The following NUP98 variants were observed in gnomAD, a reference collection of about 807,000 sequenced individuals.
The protein encoded by NUP98 is nuclear pore complex protein Nup98-Nup96.
In NUP98, 26 loss-of-function variants were observed where a neutral mutation model predicts 191.9. The observed-to-expected ratio is 0.14, with a 90% CI of 0.10 to 0.19. The LOEUF (loss-of-function observed/expected upper bound fraction) is 0.19. Among genes scored for constraint, NUP98 ranks in the 10% least tolerant of loss-of-function variants. NUP98 has a pLI of 1.00. For missense variants in NUP98, 1,941 were observed against 2,178.8 expected (o/e 0.89, Z 2.17); for synonymous variants, 808 against 778.4 (o/e 1.04, Z -0.63).
At chr11:3,686,943 T>C (rs982834580) in intron 28 of NUP98, among the ~76,000 whole-genome samples, 2 of 152,106 alleles carry the variant, frequency 1.3e-5, no homozygotes, top group Non-Finnish European at 2.9e-5. Context: ...GGTGAGATCA[T>C]ACCACTGCAC....
chr11:3,787,380 G>A (rs1167807313), intron 1 of NUP98, among the ~76,000 whole-genome samples: 1 of 151,916 alleles, frequency 6.6e-6, no homozygotes, highest in African/African-American at 2.4e-5. Flanking sequence ...TCAGGAGTTC[G>A]AGACCAGACT....
At chr11:3,746,353 C>T (rs1038750683) in intron 11 of NUP98, among the ~76,000 whole-genome samples, 13 of 140,196 alleles carry the variant, frequency 9.3e-5, no homozygotes, top group African/African-American at 3.3e-4. Flanking sequence ...TAGTAATTAA[C>T]GCAAGCTCCA....
At chr11:3,794,113 G>C (rs553086360) in intron 1 of NUP98, among the ~76,000 whole-genome samples, 1 of 152,154 alleles carries the variant, frequency 6.6e-6, no homozygotes, top group African/African-American at 2.4e-5. Context: ...AATGGGTAGA[G>C]GTAGGAATGT....
At chr11:3,754,299 G>A (rs1328879311) in intron 10 of NUP98, among the ~76,000 whole-genome samples, 1 of 152,160 alleles carries the variant, frequency 6.6e-6, no homozygotes, top group African/African-American at 2.4e-5. Context: ...GATGGCGCAT[G>A]CCTATAAACC....
intron 1 of NUP98, among the ~76,000 whole-genome samples, chr11:3,790,305 A>G (rs1017149924): frequency 6.6e-6 from 1 of 152,196 alleles, no homozygotes; most frequent in Non-Finnish European, 1.5e-5. Context: ...TAAAACAGAC[A>G]TAAGCAGAAG....
rs375037200 is a variant in NUP98, at chr11:3,695,492, T to C, written c.4124A>G (p.Gln1375Arg). 4.2e-5 allele frequency: 67 copies of C among 1,605,660 alleles called. No individual in the cohort carries two copies. Among genetic ancestry groups the C allele is most frequent in the Non-Finnish European group, 5.3e-5 (62 of 1,175,720 alleles). Residue 1375 changes from glutamine to arginine, a missense_variant, in exon 26 of 33, where the codon CAG (glutamine) becomes CGG (arginine). Gln to Arg is a conservative substitution (Grantham distance 43, BLOSUM62 1). Transcript: ENST00000324932. The part of the protein sequence containing the change: ...WHQLQADSFI[Q>R]DERLRIFALL... ...AGCAAAGATGCGCAGTCTCTCATCC[T>C]GGATGAAGGAGTCTGCTTGGAGCTG...
rs2079359327 is a variant in NUP98 at position 3,720,773 on chromosome 11, A to G, written c.2199T>C (p.Leu733=). 6.3e-7 allele frequency: 1 copy of G among 1,598,940 alleles called. No individual in the cohort carries two copies. The highest frequency in any genetic ancestry group is 8.6e-7 in the Non-Finnish European group (1 of 1,168,178). The change falls in exon 17 of 33, where the codon CTT becomes CTC. Residue 733 remains leucine, a synonymous_variant. Coordinates refer to ENST00000324932, the MANE Select transcript of NUP98 (RefSeq NM_016320.5). ...CTCCTTTTTCATTGGTAATTTTAGC[A>G]AGGTCATCCATAGATGGAATAGTAT... ...GYYTIPSMDD[L]AKITNEKGEC... is the part of the protein sequence containing the mutation.
Position 3,735,281 on chromosome 11 carries a change from G to C in NUP98, c.1452C>G (p.Leu484=). ...PNASAAQQAV[L]QQHINSLTYS... is the part of the protein sequence containing the mutation. ...ATGTTAGACTATTGATGTGCTGCTGGAGAACAGCCTGCTGGGCAGCAGAAG... is the reference window on the plus strand; with the variant it reads ...ATGTTAGACTATTGATGTGCTGCTGCAGAACAGCCTGCTGGGCAGCAGAAG... Residue 484 remains leucine (L), a synonymous_variant, in exon 13 of 33, where the codon CTC becomes CTG. Transcript: ENST00000324932. 1 of 1,582,358 alleles carries C rather than the reference G, an allele frequency of 6.3e-7. No individual in the cohort carries two copies. The highest frequency in any genetic ancestry group is 1.3e-5 in the African/African-American group (1 of 74,334).
Position 3,679,538 on chromosome 11 carries a change from T to G in NUP98, c.5073+16A>C. 1 of 1,614,078 alleles carries G rather than the reference T, an allele frequency of 6.2e-7. No homozygotes were observed. The highest frequency in any genetic ancestry group is 8.5e-7 in the Non-Finnish European group (1 of 1,179,964). On this transcript the variant is annotated intron_variant, in intron 31 of 32. Transcript: ENST00000324932. ...AGAAAAGGAAAATCAGGCAGCAGTT[T>G]CAGGATCTCAGGTACCTGCTGTATA... is the stretch of plus-strand genomic sequence containing the variant.
rs142463218 is a variant in NUP98, at chr11:3,679,652, G to A, written c.4975C>T (p.Pro1659Ser). Reference protein sequence around the residue: ...YLKGFLEDLAPPERSSLIQDW... With the variant: ...YLKGFLEDLASPERSSLIQDW... ...TGAATTAGGCTGCTGCGCTCTGGAG[G>A]TGCCAGGTCTTCCAAGAACCCCTTC... Residue 1659 changes from proline to serine, a missense_variant, in exon 31 of 33, where the codon CCT becomes TCT. Pro to Ser is a moderately conservative substitution (Grantham distance 74). Transcript: ENST00000324932. 6 of 1,614,062 alleles carry A rather than the reference G, an allele frequency of 3.7e-6. No individual in the cohort carries two copies. The African/African-American group carries it at 4.0e-5, about 11-fold the overall frequency.
chr11:3,706,644 G>T lies in NUP98; in HGVS notation c.2743-17C>A. The T allele has an allele frequency of 6.2e-7, 1 of 1,608,892 alleles. No homozygotes were observed. The highest frequency in any genetic ancestry group is 8.5e-7 in the Non-Finnish European group (1 of 1,177,170). ...GCTCTGGCTCTGTAGACAGCAGAAA[G>T]ATCAGGAAAGCAGCATTAAATTATA... is the stretch of plus-strand genomic sequence containing the variant. On this transcript the variant is annotated splice_polypyrimidine_tract_variant and intron_variant, in intron 20 of 32. Coordinates refer to ENST00000324932, the MANE Select transcript of NUP98 (RefSeq NM_016320.5).
intron 8 of NUP98, among the ~76,000 whole-genome samples, chr11:3,765,910 A>G (rs1014103845): frequency 1.3e-5 from 2 of 152,066 alleles, no homozygotes; most frequent in African/African-American, 2.4e-5. Context: ...TCCCAGCACC[A>G]TATGTTGAAA....
At position 3,758,551 on chromosome 11, in the gene NUP98, G is replaced by A. The variant is rs144710029; in HGVS notation, c.1174+1988C>T. Among the ~76,000 whole-genome samples, 364 of 152,264 alleles carry A rather than the reference G, an allele frequency of 2.4e-3. 8 individuals are homozygous for A. The East Asian group carries it at 0.051, about 21-fold the overall frequency. ...TGTAATCCCAGCACTTTGGGAGGCC[G>A]AGGAGGGCAGATCGCCTGAGGTCAG... is the stretch of plus-strand genomic sequence containing the variant. On this transcript the variant is annotated intron_variant, in intron 10 of 32. Coordinates refer to ENST00000324932, the MANE Select transcript of NUP98 (RefSeq NM_016320.5).
rs2078476226 is a variant in NUP98, at chr11:3,695,596, A to G, written c.4020T>C (p.Arg1340=). The stretch of plus-strand genomic sequence containing the variant: ...CAAACTGAGATAAAAGAAGAGCAAG[A>G]CGATGATCCCCTATAAGAGAAATGG... ...CSLAQQSGDH[R]LALLLSQFVG... The change falls in exon 26 of 33, where the codon CGT becomes CGC. Residue 1340 remains arginine (R), a synonymous_variant. Coordinates refer to ENST00000324932, the MANE Select transcript of NUP98 (RefSeq NM_016320.5). 2 of 1,586,450 alleles carry G rather than the reference A, an allele frequency of 1.3e-6. No homozygotes were observed. The highest frequency in any genetic ancestry group is 1.7e-6 in the Non-Finnish European group (2 of 1,168,704).
chr11:3,738,776 CA>C (rs58460963), intron 12 of NUP98, among the ~76,000 whole-genome samples: 28 of 67,242 alleles, frequency 4.2e-4, no homozygotes, highest in South Asian at 1.5e-3. Flanking sequence ...AGACTCCTCT[CA>C]AAAAAAAAAA....
At chr11:3,734,210 A>G (rs781573782) in intron 13 of NUP98, among the ~76,000 whole-genome samples, 1 of 152,038 alleles carries the variant, frequency 6.6e-6, no homozygotes, top group Non-Finnish European at 1.5e-5. Context: ...TAATTTTTGT[A>G]TATTTCATAG....
At chr11:3,753,545 A>C in intron 10 of NUP98, 137 bp from the exon 11 acceptor site, 1 of 612,626 alleles carries the variant, frequency 1.6e-6, no homozygotes, top group South Asian at 2.1e-5. Context: ...AACTTGTAGG[A>C]TAACTTAAAA....
Position 3,720,740 on chromosome 11 carries a change from A to T in NUP98, c.2232T>A (p.Ile744=). The change falls in exon 17 of 33, where the codon ATT becomes ATA. Residue 744 remains isoleucine, a synonymous_variant. Coordinates refer to ENST00000324932, the MANE Select transcript of NUP98 (RefSeq NM_016320.5). The part of the protein sequence containing the change: ...AKITNEKGEC[I]VSDFTIGRKG... ...TCCGACCAATAGTGAAATCAGAGAC[A>T]ATGCACTCTCCTTTTTCATTGGTAA... 6.3e-7 allele frequency: 1 copy of T among 1,599,442 alleles called. No individual in the cohort carries two copies. Among genetic ancestry groups the T allele is most frequent in the Non-Finnish European group, 8.6e-7 (1 of 1,167,472 alleles).
intron 11 of NUP98, among the ~76,000 whole-genome samples, chr11:3,748,651 A>G (rs2080603675): frequency 6.6e-6 from 1 of 152,198 alleles, no homozygotes; most frequent in Non-Finnish European, 1.5e-5. Context: ...TTAAAATTAC[A>G]AAAATTATTA....
Sources: allele counts gnomAD v4.1 joint callset (sites outside exome capture counted in the v4.1 genomes callset), GRCh38; gene constraint gnomAD v4.1.1; transcripts MANE v1.5; gene names NCBI Gene and HGNC (gene_info 2026-07-23, HGNC 2026-07-21).